Variants in CLEC1A observed in about 807,000 individuals in gnomAD.
CLEC1A encodes the protein C-type lectin domain family 1 member A, also known as C-type lectin-like receptor-1.
Under a neutral mutation model 28.7 loss-of-function variants are expected in CLEC1A, and 34 were observed. That is an observed-to-expected ratio of 1.18 (90% confidence interval 0.90 to 1.57). The LOEUF is 1.57. Among genes scored for constraint, CLEC1A ranks in the 40% most tolerant of loss-of-function variants. The probability of loss-of-function intolerance (pLI) is 0.00; values close to 1 mark genes in which losing one functional copy is unlikely to be tolerated. For missense variants in CLEC1A, 385 were observed against 339.5 expected, an observed-to-expected ratio of 1.13 and a Z score of -1.05; for synonymous variants, 116 against 121.0, an observed-to-expected ratio of 0.96 and a Z score of 0.27.
chr12:10,098,853 A>G lies in CLEC1A; in HGVS notation c.70T>C (p.Ser24Pro). ...TGCCGAGTTGTGGCAGAGCCTTGAG[A>G]ATGCAGGCTCATGGTGGTGTCCCCA... The part of the protein sequence containing the change: ...DDGDTTMSLH[S>P]QGSATTRHPE... The change falls in exon 1 of 6, where the codon TCT becomes CCT. Residue 24 changes from serine to proline, a missense_variant. Coordinates refer to ENST00000315330, the MANE Select transcript of CLEC1A (RefSeq NM_016511.4). 1 of 1,613,460 alleles carries G rather than the reference A, an allele frequency of 6.2e-7. No homozygotes were observed. The highest frequency in any genetic ancestry group is 1.1e-5 in the South Asian group (1 of 90,910).
At chr12:10,093,488 G>C (rs564476643) in intron 1 of CLEC1A, among the ~76,000 whole-genome samples, 105 of 151,648 alleles carry the variant, frequency 6.9e-4, no homozygotes, top group African/African-American at 2.4e-3. Flanking sequence ...GAAACTTTGT[G>C]GGTGGAGAGT....
chr12:10,072,437 G>T (rs1866154238), intron 5 of CLEC1A, among the ~76,000 whole-genome samples: 1 of 152,212 alleles, frequency 6.6e-6, no homozygotes, highest in East Asian at 1.9e-4. Flanking sequence ...TGTACGACTA[G>T]TGTTTTATAT....
chr12:10,071,277 G>T lies in CLEC1A; in HGVS notation c.*56C>A. 1.3e-6 allele frequency: 2 copies of T among 1,506,326 alleles called. No homozygotes were observed. The highest frequency in any genetic ancestry group is 9.1e-7 in the Non-Finnish European group (1 of 1,098,196). 93.3% of individuals were successfully genotyped at this position (1,506,326 alleles called of 1,614,324 possible). A position where few individuals can be genotyped will look rare whatever the true frequency, so the allele number is the denominator to read the frequency against. On this transcript the variant is annotated 3_prime_UTR_variant, in exon 6 of 6. Transcript: ENST00000315330. Reference sequence around the variant, plus strand: ...GTTCCATTTCCCAATGTCTCAACTAGCCCTTGCTTTGGCACCGCCTGGCTC... The same window carrying T: ...GTTCCATTTCCCAATGTCTCAACTATCCCTTGCTTTGGCACCGCCTGGCTC...
At chr12:10,081,783 C>T (rs1565602800) in intron 2 of CLEC1A, among the ~76,000 whole-genome samples, 2 of 151,436 alleles carry the variant, frequency 1.3e-5, no homozygotes, top group Admixed American at 6.6e-5. Flanking sequence ...TTGAAAGAAG[C>T]AACTCAATAC....
intron 1 of CLEC1A, among the ~76,000 whole-genome samples, chr12:10,091,545 C>A (rs1045143757): frequency 6.6e-6 from 1 of 151,802 alleles, no homozygotes; most frequent in South Asian, 2.1e-4. Flanking sequence ...AGATTTGCTT[C>A]CTCCTGTTTC....
At chr12:10,086,939 C>T (rs769573360) in intron 2 of CLEC1A, among the ~76,000 whole-genome samples, 1 of 152,010 alleles carries the variant, frequency 6.6e-6, no homozygotes, top group Non-Finnish European at 1.5e-5. Context: ...GGCACGGTGG[C>T]TCATGCCTGC....
chr12:10,090,603 T>A (rs1185546928), intron 1 of CLEC1A, among the ~76,000 whole-genome samples: 1 of 151,976 alleles, frequency 6.6e-6, no homozygotes, highest in Non-Finnish European at 1.5e-5. Context: ...TATTTCCAAA[T>A]GGGGAATGAT....
chr12:10,088,674 C>G (rs1051015364), intron 2 of CLEC1A, among the ~76,000 whole-genome samples: 1 of 151,774 alleles, frequency 6.6e-6, no homozygotes, highest in Non-Finnish European at 1.5e-5. Context: ...ACTTCCTGGC[C>G]TTTAAAAAAT....
At chr12:10,097,898 TTAC>T (rs1947798553) in intron 1 of CLEC1A, among the ~76,000 whole-genome samples, 1 of 13,102 alleles carries the variant, frequency 7.6e-5, no homozygotes, top group South Asian at 1.1e-3. Context: ...CCTTAACAGC[TTAC>T]TGGGTAGTTT....
At chr12:10,087,003 C>T (rs1217773005) in intron 2 of CLEC1A, among the ~76,000 whole-genome samples, 3 of 151,792 alleles carry the variant, frequency 2.0e-5, no homozygotes, top group Non-Finnish European at 4.4e-5. Flanking sequence ...GTCGGGAGTT[C>T]GAGACCAGCC....
intron 1 of CLEC1A, among the ~76,000 whole-genome samples, chr12:10,094,240 T>C (rs1947747364): frequency 6.6e-6 from 1 of 152,034 alleles, no homozygotes. Flanking sequence ...CTGAGAAAAA[T>C]GTCTTATATG....
chr12:10,081,347 C>T lies in CLEC1A; in HGVS notation c.281G>A (p.Gly94Glu), dbSNP rs867777558. 1.2e-6 allele frequency: 2 copies of T among 1,613,288 alleles called. No homozygotes were observed. The highest frequency in any genetic ancestry group is 1.3e-5 in the African/African-American group (1 of 74,884). The change falls in exon 3 of 6, where the codon GGA becomes GAA. Residue 94 changes from glycine to glutamate, a missense_variant. Gly to Glu is a moderately conservative substitution (Grantham distance 98). Transcript: ENST00000315330. ...AGATTGCAACTCTTGGGACGTATTT[C>T]CTAATCTTTCTTCCATTTGAGAAAT... The part of the protein sequence containing the change: ...DTISQMEERL[G>E]NTSQELQSLQ...
At chr12:10,072,321 C>T (rs1481133085) in intron 5 of CLEC1A, among the ~76,000 whole-genome samples, 1 of 152,164 alleles carries the variant, frequency 6.6e-6, no homozygotes, top group Non-Finnish European at 1.5e-5. Flanking sequence ...GCCAATTAAA[C>T]CTCCTTTCTT....
intron 2 of CLEC1A, among the ~76,000 whole-genome samples, chr12:10,084,821 C>CAAAAAAAAAAAAAAAAAAAAA (rs57574014): frequency 1.2e-5 from 1 of 83,742 alleles, no homozygotes; most frequent in Non-Finnish European, 2.4e-5. Context: ...GACTCTGTAT[C>CAAAAAAAAAAAAAAAAAAAAA]AAAAAAAAAA....
chr12:10,090,059 A>T lies in CLEC1A; in HGVS notation c.116-837T>A, dbSNP rs192711193. Among the ~76,000 whole-genome samples, 494 of 152,306 alleles carry T rather than the reference A, an allele frequency of 3.2e-3. 3 individuals are homozygous for T. The highest frequency in any genetic ancestry group is 3.9e-3 in the Non-Finnish European group (264 of 68,020). On this transcript the variant is annotated intron_variant, in intron 1 of 5. Transcript: ENST00000315330. ...ATGACCTAACATATCTGAAGGGAAG[A>T]GTCTCAGTCAGGTGCAGGTAGCATC... is the stretch of plus-strand genomic sequence containing the variant.
intron 1 of CLEC1A, among the ~76,000 whole-genome samples, chr12:10,093,373 GAAAA>G (rs3052137): frequency 7.7e-6 from 1 of 130,708 alleles, no homozygotes; most frequent in African/African-American, 2.8e-5. Context: ...GATATATATA[GAAAA>G]AAAAAAAAAA....
At chr12:10,089,728 A>T (rs550206261) in intron 1 of CLEC1A, among the ~76,000 whole-genome samples, 3 of 152,214 alleles carry the variant, frequency 2.0e-5, no homozygotes, top group Non-Finnish European at 4.4e-5. Context: ...CATGTTAGTA[A>T]TGGGAAGTAA....
chr12:10,093,707 G>A (rs531503962), intron 1 of CLEC1A, among the ~76,000 whole-genome samples: 85 of 152,012 alleles, frequency 5.6e-4, no homozygotes, highest in African/African-American at 1.9e-3. Context: ...TATGTTTAAC[G>A]CTATACTCTG....
intron 3 of CLEC1A, among the ~76,000 whole-genome samples, chr12:10,076,575 G>A (rs554635901): frequency 2.6e-5 from 4 of 152,196 alleles, no homozygotes; most frequent in Admixed American, 2.6e-4. Flanking sequence ...CAGACAGGTC[G>A]GCTTGCTTCA....
Sources: allele counts gnomAD v4.1 joint callset (sites outside exome capture counted in the v4.1 genomes callset), GRCh38; gene constraint gnomAD v4.1.1; transcripts MANE v1.5; gene names NCBI Gene and HGNC (gene_info 2026-07-23, HGNC 2026-07-21).